The following NRXN3 variants were observed in gnomAD, a reference collection of about 807,000 sequenced individuals.
The protein encoded by NRXN3 is neurexin 3.
In NRXN3, 32 loss-of-function variants were observed where a neutral mutation model predicts 137.6. That is an observed-to-expected ratio of 0.23 (90% CI 0.18 to 0.31). NRXN3 has a LOEUF of 0.31. NRXN3 is among the 10% of genes least tolerant of loss of function. The pLI is 1.00. For synonymous variants in NRXN3, 798 were observed against 784.5 expected, an observed-to-expected ratio of 1.02 and a Z score of -0.29; for missense variants, 1,574 against 2,062.5, an observed-to-expected ratio of 0.76 and a Z score of 4.59.
At position 78,963,081 on chromosome 14, in the gene NRXN3, T is replaced by C. The variant is rs934136140; in HGVS notation, c.2396-2944T>C. On this transcript the variant is annotated intron_variant, in intron 11 of 20. Transcript: ENST00000335750. Reference sequence around the variant, plus strand: ...ATCCTGAACTCCCAGTTTGTGTTCCTGGGCTAAGCTCCTAAATCCACTATT... The same window carrying C: ...ATCCTGAACTCCCAGTTTGTGTTCCCGGGCTAAGCTCCTAAATCCACTATT... Among the ~76,000 whole-genome samples the C allele has an allele frequency of 2.0e-5, 3 of 152,120 alleles. No individual in the cohort carries two copies. In the South Asian group the frequency reaches 6.2e-4, roughly 32 times the overall value.
intron 16 of NRXN3, among the ~76,000 whole-genome samples, chr14:79,481,501 G>A (rs1345218769): frequency 6.6e-6 from 1 of 152,206 alleles, no homozygotes; most frequent in Admixed American, 6.5e-5. Context: ...AACCTGCACA[G>A]CGTGTTCCTG....
At chr14:78,522,847 A>G (rs994893946) in intron 4 of NRXN3, among the ~76,000 whole-genome samples, 3 of 152,326 alleles carry the variant, frequency 2.0e-5, no homozygotes, top group South Asian at 4.1e-4. Flanking sequence ...CTTCTCATTA[A>G]TTAGCGAGAG....
At chr14:78,731,140 T>C (rs2152900108) in intron 8 of NRXN3, among the ~76,000 whole-genome samples, 1 of 152,272 alleles carries the variant, frequency 6.6e-6, no homozygotes, top group South Asian at 2.1e-4. Context: ...AGAGTAGCGT[T>C]CCTGGGGGCT....
At chr14:78,461,021 T>C (rs775548828) in intron 4 of NRXN3, among the ~76,000 whole-genome samples, 96 of 152,222 alleles carry the variant, frequency 6.3e-4, no homozygotes, top group Non-Finnish European at 9.0e-4. Context: ...GAGAGACATA[T>C]ATTCAAAGAA....
chr14:78,502,088 A>C (rs1209922460), intron 4 of NRXN3, among the ~76,000 whole-genome samples: 1 of 152,070 alleles, frequency 6.6e-6, no homozygotes, highest in East Asian at 1.9e-4. Context: ...CAGGAGCCTC[A>C]TGGGAGATCA....
At chr14:79,452,201 T>C (rs1171698090) in intron 15 of NRXN3, among the ~76,000 whole-genome samples, 1 of 152,184 alleles carries the variant, frequency 6.6e-6, no homozygotes, top group Non-Finnish European at 1.5e-5. Flanking sequence ...CATGATTGAC[T>C]TAATCAGAAG....
intron 10 of NRXN3, among the ~76,000 whole-genome samples, chr14:78,875,349 A>G (rs181066879): frequency 1.1e-4 from 17 of 152,312 alleles, no homozygotes; most frequent in Admixed American, 2.6e-4. Flanking sequence ...AGCTTGCTAT[A>G]AAGACAAAAA....
At chr14:78,812,958 T>G (rs193195909) in intron 10 of NRXN3, among the ~76,000 whole-genome samples, 6 of 152,304 alleles carry the variant, frequency 3.9e-5, no homozygotes, top group Non-Finnish European at 8.8e-5. Context: ...TAAACTAATC[T>G]AACACCTTTA....
chr14:79,204,741 T>C (rs1435441333), intron 15 of NRXN3, among the ~76,000 whole-genome samples: 1 of 152,184 alleles, frequency 6.6e-6, no homozygotes, highest in African/African-American at 2.4e-5. Flanking sequence ...GTTACACTCC[T>C]GATTGCTTCC....
intron 19 of NRXN3, among the ~76,000 whole-genome samples, chr14:79,724,963 A>G (rs2098874396): frequency 6.6e-6 from 1 of 152,142 alleles, no homozygotes; most frequent in East Asian, 1.9e-4. Flanking sequence ...GAATTTAACC[A>G]GTCTTGAGGT....
intron 17 of NRXN3, among the ~76,000 whole-genome samples, chr14:79,675,687 C>T (rs560579282): frequency 8.7e-4 from 133 of 152,106 alleles, no homozygotes; most frequent in Non-Finnish European, 1.6e-3. Context: ...TAAAGAGATA[C>T]AATATGTAAG....
chr14:79,739,899 C>G (rs1323197757), intron 19 of NRXN3, among the ~76,000 whole-genome samples: 2 of 152,154 alleles, frequency 1.3e-5, no homozygotes, highest in Non-Finnish European at 2.9e-5. Context: ...CACTCTGCAT[C>G]CTTTTCCATG....
chr14:78,407,372 TTTG>T (rs766645189), intron 4 of NRXN3, among the ~76,000 whole-genome samples: 3 of 152,140 alleles, frequency 2.0e-5, no homozygotes, highest in East Asian at 1.9e-4. Flanking sequence ...TCAAGGTGTT[TTTG>T]TTGTTGTTGT....
intron 8 of NRXN3, among the ~76,000 whole-genome samples, chr14:78,766,533 T>C (rs537937578): frequency 9.2e-5 from 14 of 152,344 alleles, no homozygotes; most frequent in Non-Finnish European, 1.6e-4. Flanking sequence ...CACAAGTTGA[T>C]TGTGGATATC....
chr14:79,221,839 C>G (rs2069759683), intron 15 of NRXN3, among the ~76,000 whole-genome samples: 1 of 152,140 alleles, frequency 6.6e-6, no homozygotes. Flanking sequence ...TGCCTATGTC[C>G]TGAATGGTAT....
intron 15 of NRXN3, among the ~76,000 whole-genome samples, chr14:79,133,883 C>A (rs1470945096): frequency 2.7e-5 from 4 of 147,846 alleles, no homozygotes; most frequent in East Asian, 2.0e-4. Flanking sequence ...GAGCAGAGAT[C>A]GTGCTGCTGC....
intron 20 of NRXN3, among the ~76,000 whole-genome samples, chr14:79,827,060 GTGT>G: frequency 6.6e-6 from 1 of 152,172 alleles, no homozygotes; most frequent in African/African-American, 2.4e-5. Flanking sequence ...AGCATTTACT[GTGT>G]GCTAAGCACT....
At chr14:79,494,296 T>C (rs933087829) in intron 16 of NRXN3, among the ~76,000 whole-genome samples, 9 of 152,240 alleles carry the variant, frequency 5.9e-5, no homozygotes, top group African/African-American at 2.2e-4. Flanking sequence ...ATTAGCCTCC[T>C]GTTTCTTCTG....
At chr14:79,297,672 G>C (rs1022456755) in intron 15 of NRXN3, among the ~76,000 whole-genome samples, 3 of 152,092 alleles carry the variant, frequency 2.0e-5, no homozygotes, top group African/African-American at 7.2e-5. Context: ...TCATCAAAGG[G>C]AAAGTTAAGG....
Sources: allele counts gnomAD v4.1 joint callset (sites outside exome capture counted in the v4.1 genomes callset), GRCh38; gene constraint gnomAD v4.1.1; transcripts MANE v1.5; gene names NCBI Gene and HGNC (gene_info 2026-07-23, HGNC 2026-07-21).